The following SKAP2 variants were observed in gnomAD, a reference collection of about 807,000 sequenced individuals.
SKAP2 encodes src kinase-associated phosphoprotein 2.
A neutral mutation model predicts 54.9 loss-of-function variants in SKAP2; 28 were observed. The observed-to-expected ratio is 0.51, with a 90% confidence interval of 0.38 to 0.70. The LOEUF is 0.70. Ranked by LOEUF, SKAP2 falls within the 30% of genes least tolerant of loss-of-function variation. The probability of loss-of-function intolerance (pLI) is 0.00; values close to 1 mark genes in which losing one functional copy is unlikely to be tolerated. For missense variants in SKAP2, 356 were observed against 424.1 expected (o/e 0.84, Z 1.41); for synonymous variants, 137 against 134.3 (o/e 1.02, Z -0.14).
chr7:26,849,458 C>A (rs1784993670), intron 3 of SKAP2, among the ~76,000 whole-genome samples: 1 of 151,866 alleles, frequency 6.6e-6, no homozygotes, highest in Non-Finnish European at 1.5e-5. Context: ...CCAAGGTGGG[C>A]AGATTACCTG....
intron 9 of SKAP2, among the ~76,000 whole-genome samples, chr7:26,702,988 T>G (rs1022654412): frequency 3.3e-5 from 5 of 152,226 alleles, no homozygotes; most frequent in Admixed American, 6.5e-5. Flanking sequence ...AAACCCAGAT[T>G]GCTGTGCCCC....
At chr7:26,679,690 A>G (rs1786443455) in intron 11 of SKAP2, among the ~76,000 whole-genome samples, 1 of 152,242 alleles carries the variant, frequency 6.6e-6, no homozygotes, top group African/African-American at 2.4e-5. Context: ...ATGAAAAACT[A>G]AGACAGCTAA....
chr7:26,784,125 C>T (rs1398725928), intron 4 of SKAP2, among the ~76,000 whole-genome samples: 1 of 138,856 alleles, frequency 7.2e-6, no homozygotes, highest in Non-Finnish European at 1.6e-5. Context: ...AGGGACATTC[C>T]AAAAAAAAAA....
At chr7:26,693,269 T>C (rs974608586) in intron 9 of SKAP2, among the ~76,000 whole-genome samples, 12 of 144,632 alleles carry the variant, frequency 8.3e-5, no homozygotes, top group African/African-American at 2.8e-4. Context: ...GAGGCGGAGG[T>C]TGCAATGAGC....
intron 4 of SKAP2, among the ~76,000 whole-genome samples, chr7:26,796,682 A>AT (rs895101004): frequency 5.3e-5 from 8 of 152,372 alleles, no homozygotes; most frequent in African/African-American, 1.9e-4. Flanking sequence ...AGTACTGTAA[A>AT]TGTATTTTCT....
At chr7:26,836,347 C>T (rs369905687) in intron 4 of SKAP2, among the ~76,000 whole-genome samples, 21 of 152,178 alleles carry the variant, frequency 1.4e-4, no homozygotes, top group African/African-American at 4.8e-4. Context: ...ACAAATGCAA[C>T]CTAATTAAAC....
chr7:26,783,462 A>C (rs1562608822), intron 4 of SKAP2, among the ~76,000 whole-genome samples: 1 of 152,030 alleles, frequency 6.6e-6, no homozygotes, highest in Non-Finnish European at 1.5e-5. Flanking sequence ...AGACCAGAAC[A>C]AACCAACTAC....
chr7:26,700,665 A>G (rs1787000497), intron 9 of SKAP2, among the ~76,000 whole-genome samples: 2 of 152,216 alleles, frequency 1.3e-5, no homozygotes, highest in Admixed American at 1.3e-4. Flanking sequence ...GAGTCCGCCT[A>G]GCCTAGTCTG....
At chr7:26,799,276 A>C (rs1014127294) in intron 4 of SKAP2, among the ~76,000 whole-genome samples, 2 of 137,862 alleles carry the variant, frequency 1.5e-5, no homozygotes, top group African/African-American at 2.6e-5. Context: ...GACGGGCTGA[A>C]TGGAAGAAAA....
chr7:26,804,942 A>C (rs1783995621), intron 4 of SKAP2, among the ~76,000 whole-genome samples: 1 of 152,220 alleles, frequency 6.6e-6, no homozygotes, highest in Non-Finnish European at 1.5e-5. Flanking sequence ...TATCATGGAA[A>C]GATGTTTCCT....
intron 4 of SKAP2, among the ~76,000 whole-genome samples, chr7:26,740,666 A>C (rs1274844140): frequency 6.6e-6 from 1 of 152,184 alleles, no homozygotes; most frequent in African/African-American, 2.4e-5. Flanking sequence ...CAAGTGTTCA[A>C]TATTTTTATA....
chr7:26,851,361 T>C (rs1304907669), intron 3 of SKAP2, among the ~76,000 whole-genome samples: 1 of 151,966 alleles, frequency 6.6e-6, no homozygotes, highest in Non-Finnish European at 1.5e-5. Context: ...GAAGGATCAT[T>C]TGAGCATGGA....
intron 4 of SKAP2, among the ~76,000 whole-genome samples, chr7:26,744,751 C>T (rs2127963746): frequency 6.6e-6 from 1 of 152,102 alleles, no homozygotes; most frequent in African/African-American, 2.4e-5. Context: ...CACACACACA[C>T]ACAAACACAC....
intron 4 of SKAP2, among the ~76,000 whole-genome samples, chr7:26,760,975 T>C (rs1262048332): frequency 2.6e-5 from 4 of 152,148 alleles, no homozygotes; most frequent in African/African-American, 9.7e-5. Context: ...TCACTGAATA[T>C]GGAAATTAAG....
chr7:26,675,661 A>G (rs113906279), intron 11 of SKAP2, among the ~76,000 whole-genome samples: 1 of 152,212 alleles, frequency 6.6e-6, no homozygotes, highest in African/African-American at 2.4e-5. Flanking sequence ...TTCTTAAGAA[A>G]TGTAATTTCC....
At chr7:26,850,539 T>C (rs1272454494) in intron 3 of SKAP2, among the ~76,000 whole-genome samples, 2 of 148,938 alleles carry the variant, frequency 1.3e-5, no homozygotes, top group Non-Finnish European at 3.0e-5. Flanking sequence ...TGAGTCATGA[T>C]CACACCACTC....
At chr7:26,672,262 G>A (rs951641135) in intron 11 of SKAP2, among the ~76,000 whole-genome samples, 1 of 151,980 alleles carries the variant, frequency 6.6e-6, no homozygotes, top group Non-Finnish European at 1.5e-5. Flanking sequence ...CTAAAGGCAT[G>A]TTATCATTTT....
At chr7:26,854,103 A>C in intron 3 of SKAP2, 34 bp downstream of exon 3, 1 of 1,516,140 alleles carries the variant, frequency 6.6e-7, no homozygotes, top group Non-Finnish European at 9.0e-7. Flanking sequence ...ACAGAGGAAA[A>C]AAATTTTCAA....
intron 6 of SKAP2, among the ~76,000 whole-genome samples, chr7:26,731,321 A>C (rs566626611): frequency 9.8e-5 from 15 of 152,312 alleles, no homozygotes; most frequent in Admixed American, 4.6e-4. Flanking sequence ...ACAATGTGAA[A>C]TATACAAAAT....
Sources: gnomAD v4.1 joint callset for allele counts (sites outside exome capture counted in the v4.1 genomes callset) on GRCh38, gnomAD v4.1.1 for gene constraint, MANE v1.5 for transcripts, NCBI Gene and HGNC (gene_info 2026-07-23, HGNC 2026-07-21) for gene names.